RIF1: variants seen among roughly 807,000 people sequenced by gnomAD.
The protein encoded by RIF1 is telomere-associated protein RIF1.
A neutral mutation model predicts 247.1 loss-of-function variants in RIF1; 45 were observed. The ratio of observed to expected loss-of-function variants is 0.18; its 90% CI spans 0.14 to 0.23. RIF1 has a LOEUF of 0.23. RIF1 is among the 10% of genes least tolerant of loss of function. RIF1 has a pLI of 1.00. For synonymous variants in RIF1, 1,087 were observed against 978.8 expected (o/e 1.11, Z -2.06); for missense variants, 2,967 against 2,862.5 (o/e 1.04, Z -0.83).
intron 30 of RIF1, among the ~76,000 whole-genome samples, chr2:151,467,708 C>G (rs531696767): frequency 6.6e-6 from 1 of 152,140 alleles, no homozygotes; most frequent in Non-Finnish European, 1.5e-5. Context: ...AGAATCAGAT[C>G]GTACACTTTT....
chr2:151,457,035 G>A (rs1160850440), intron 23 of RIF1, among the ~76,000 whole-genome samples: 1 of 151,210 alleles, frequency 6.6e-6, no homozygotes, highest in Non-Finnish European at 1.5e-5. Context: ...CGCTTGTCCT[G>A]TTCTTCATTT....
Position 151,436,861 on chromosome 2 carries a change from C to T in RIF1, c.1230C>T (p.Pro410=). 1 of 1,612,252 alleles carries T rather than the reference C, an allele frequency of 6.2e-7. No individual in the cohort carries two copies. Among genetic ancestry groups the T allele is most frequent in the African/African-American group, 1.3e-5 (1 of 74,894 alleles). ...ASSPYGAPGT[P]RMNLSSNLGG... ...CCCCGTACGGAGCCCCGGGAACTCC[C>T]CGAATGAACCTGAGTTCGAATTTAG... Residue 410 remains proline (P), a synonymous_variant, in exon 12 of 36, where the codon CCC becomes CCT. Coordinates refer to ENST00000444746, the MANE Select transcript of RIF1 (RefSeq NM_018151.5).
intron 20 of RIF1, among the ~76,000 whole-genome samples, chr2:151,449,221 A>T (rs1214804317): frequency 6.6e-6 from 1 of 152,174 alleles, no homozygotes; most frequent in Non-Finnish European, 1.5e-5. Flanking sequence ...TTTTTGGGAT[A>T]CACTTCTTGG....
intron 20 of RIF1, among the ~76,000 whole-genome samples, chr2:151,447,333 C>G (rs116664667): frequency 6.6e-6 from 1 of 152,226 alleles, no homozygotes; most frequent in South Asian, 2.1e-4. Flanking sequence ...TTACGCATGT[C>G]ATTTGTATAT....
At chr2:151,494,690 C>T (rs559182058) in intron 9 of RIF1, among the ~76,000 whole-genome samples, 2 of 152,242 alleles carry the variant, frequency 1.3e-5, no homozygotes, top group African/African-American at 4.8e-5. Context: ...GCTCTGTCAC[C>T]CAGGCTGGAG....
chr2:151,514,183 T>C, the RIF1 span: 1 of 659,472 alleles, frequency 1.5e-6, no homozygotes, highest in Non-Finnish European at 2.7e-6. Flanking sequence ...AACAATTATG[T>C]TGATATGGAA....
chr2:151,433,768 A>G (rs1028005266), intron 10 of RIF1, among the ~76,000 whole-genome samples: 1 of 152,038 alleles, frequency 6.6e-6, no homozygotes, highest in South Asian at 2.1e-4. Flanking sequence ...AAATGTTTTT[A>G]AATTAGCAAG....
downstream of RIF1, among the ~76,000 whole-genome samples, chr2:151,510,044 C>A (rs1036830305): frequency 1.1e-4 from 16 of 152,190 alleles, no homozygotes; most frequent in Non-Finnish European, 2.1e-4. Flanking sequence ...CATCTAAAGA[C>A]ATAAGTGATT....
In RIF1 at chr2:151,491,788, C is replaced by T; in HGVS notation, c.*416-3441C>T. ...CAGACACGTAAACCTGAAAGGGAAA[C>T]CAGTGATCAGAACAAGTGTTCTTGG... On this transcript the variant is annotated intron_variant and NMD_transcript_variant, in intron 9 of 13. Coordinates refer to the RIF1 transcript ENST00000454583. The T allele has an allele frequency of 1.9e-6, 3 of 1,563,334 alleles. No individual in the cohort carries two copies. Among genetic ancestry groups the T allele is most frequent in the Non-Finnish European group, 2.6e-6 (3 of 1,149,590 alleles).
Position 151,426,168 on chromosome 2 carries a change from A to ATTTTTTTTTTTT in RIF1, c.787-2603_787-2592dup, listed in dbSNP as rs35001554. ...TTTTTCAGGATTGTTTTGGCTTTTA[A>ATTTTTTTTTTTT]TTTTTTTTTTTTTTTTTTTTTTTTG... On this transcript the variant is annotated intron_variant, in intron 8 of 35. Transcript: ENST00000444746. 1.4e-3 allele frequency among the ~76,000 whole-genome samples: 79 copies of ATTTTTTTTTTTT among 58,212 alleles called. 14 individuals carry two copies. Among genetic ancestry groups the ATTTTTTTTTTTT allele is most frequent in the East Asian group, 4.1e-3 (6 of 1,470 alleles). The allele number at this position is 58,212 out of a possible 152,430, so 38.2% of individuals were successfully genotyped here.
chr2:151,437,575 C>T (rs560729928), intron 13 of RIF1, among the ~76,000 whole-genome samples: 3 of 152,182 alleles, frequency 2.0e-5, no homozygotes, highest in South Asian at 4.2e-4. Flanking sequence ...CCTGTAGTCC[C>T]AGCTACTCGG....
intron 11 of RIF1, among the ~76,000 whole-genome samples, chr2:151,500,082 A>G (rs925678242): frequency 2.0e-5 from 3 of 152,246 alleles, no homozygotes; most frequent in African/African-American, 4.8e-5. Context: ...CCTTTCAATA[A>G]AAGGAATAAT....
intron 13 of RIF1, among the ~76,000 whole-genome samples, chr2:151,437,921 ACTC>A (rs1691554129): frequency 6.6e-6 from 1 of 152,074 alleles, no homozygotes; most frequent in African/African-American, 2.4e-5. Flanking sequence ...CTGTGCCTAA[ACTC>A]CTGTGTTACA....
the RIF1 span, among the ~76,000 whole-genome samples, chr2:151,514,584 A>C: frequency 6.6e-6 from 1 of 152,378 alleles, no homozygotes; most frequent in South Asian, 2.1e-4. Context: ...TGATCAGTTA[A>C]CATTAAATAT....
chr2:151,520,736 C>T, the RIF1 span, among the ~76,000 whole-genome samples: 1 of 151,788 alleles, frequency 6.6e-6, no homozygotes, highest in African/African-American at 2.4e-5. Context: ...TTGTGGTGCA[C>T]CCCTGTAGTC....
chr2:151,454,624 C>G (rs1289028797), intron 21 of RIF1, among the ~76,000 whole-genome samples: 1 of 151,830 alleles, frequency 6.6e-6, no homozygotes, highest in Admixed American at 6.6e-5. Context: ...TTTATAATTC[C>G]TAAGAAAAAA....
At chr2:151,502,032 T>TAAGA (rs2065048436) in intron 11 of RIF1, among the ~76,000 whole-genome samples, 1 of 152,234 alleles carries the variant, frequency 6.6e-6, no homozygotes, top group Admixed American at 6.5e-5. Context: ...TGAAAATGTT[T>TAAGA]AAGAATGACA....
In RIF1 at chr2:151,465,752, G is replaced by A. The variant is rs1394224515; in HGVS notation, c.6232G>A (p.Gly2078Arg). The A allele has an allele frequency of 6.2e-7, 1 of 1,614,008 alleles. No individual in the cohort carries two copies. Among genetic ancestry groups the A allele is most frequent in the South Asian group, 1.1e-5 (1 of 91,074 alleles). Residue 2078 changes from glycine (G) to arginine (R), a missense_variant, in exon 30 of 36, where the codon GGA becomes AGA. Transcript: ENST00000444746. ...CDTVEMSTEE[G>R]IIDANKTETN... The stretch of plus-strand genomic sequence containing the variant: ...CACAGTTGAAATGAGCACTGAAGAA[G>A]GAATCATTGACGCTAATAAAACTGA...
At chr2:151,520,962 C>A in the RIF1 span, among the ~76,000 whole-genome samples, 2 of 152,166 alleles carry the variant, frequency 1.3e-5, no homozygotes, top group Non-Finnish European at 2.9e-5. Context: ...CTTTTGTCAA[C>A]AGTATTGCAG....
Sources: allele counts gnomAD v4.1 joint callset (sites outside exome capture counted in the v4.1 genomes callset), GRCh38; gene constraint gnomAD v4.1.1; transcripts MANE v1.5; gene names NCBI Gene and HGNC (gene_info 2026-07-23, HGNC 2026-07-21).